ASIC2: variants seen among roughly 807,000 people sequenced by gnomAD.
ASIC2 encodes the protein acid-sensing ion channel 2.
A neutral mutation model predicts 57.3 loss-of-function variants in ASIC2; 25 were observed. The observed-to-expected ratio is 0.44, with a 90% CI of 0.32 to 0.61. The LOEUF (loss-of-function observed/expected upper bound fraction) is 0.61, where lower values mean the gene tolerates loss of function less well. ASIC2 is among the 20% of genes least tolerant of loss of function. The probability of loss-of-function intolerance (pLI) is 0.06; values close to 1 mark genes in which losing one functional copy is unlikely to be tolerated. For synonymous variants in ASIC2, 319 were observed against 307.5 expected, an observed-to-expected ratio of 1.04 and a Z score of -0.39; for missense variants, 641 against 738.1, an observed-to-expected ratio of 0.87 and a Z score of 1.52.
chr17:33,995,662 A>ATG (rs971297957), intron 1 of ASIC2, among the ~76,000 whole-genome samples: 2 of 152,048 alleles, frequency 1.3e-5, no homozygotes, highest in African/African-American at 2.4e-5. Flanking sequence ...GCGTGTATAT[A>ATG]TGTGTGTGTG....
chr17:33,267,138 C>T (rs1176508536), intron 1 of ASIC2, among the ~76,000 whole-genome samples: 2 of 152,150 alleles, frequency 1.3e-5, no homozygotes, highest in African/African-American at 2.4e-5. Context: ...TGGTGACATC[C>T]TGGCAGGCCT....
intron 1 of ASIC2, among the ~76,000 whole-genome samples, chr17:33,441,952 G>A (rs1911838717): frequency 6.6e-6 from 1 of 152,184 alleles, no homozygotes; most frequent in Non-Finnish European, 1.5e-5. Flanking sequence ...ACACAGCAAT[G>A]AGTGAGAAAA....
chr17:34,011,481 C>G (rs1425982601), intron 1 of ASIC2, among the ~76,000 whole-genome samples: 1 of 152,180 alleles, frequency 6.6e-6, no homozygotes, highest in African/African-American at 2.4e-5. Context: ...TAACCTCCCC[C>G]TCCCATGGCT....
At chr17:33,419,077 T>G (rs1827650) in intron 1 of ASIC2, among the ~76,000 whole-genome samples, 36,358 of 152,072 alleles carry the variant, frequency 0.24, 4,938 homozygotes, top group East Asian at 0.66. Context: ...GTCCTACACA[T>G]GTACCCCATA....
At chr17:33,671,763 G>A (rs1016728729) in intron 1 of ASIC2, among the ~76,000 whole-genome samples, 4 of 152,160 alleles carry the variant, frequency 2.6e-5, no homozygotes, top group African/African-American at 9.7e-5. Flanking sequence ...GGCCTGGTCT[G>A]GGTCCTGAGT....
At chr17:33,959,067 C>G (rs1300173018) in intron 1 of ASIC2, among the ~76,000 whole-genome samples, 2 of 152,226 alleles carry the variant, frequency 1.3e-5, no homozygotes, top group Non-Finnish European at 2.9e-5. Flanking sequence ...CTGAGACCAC[C>G]TCAGCCTGGA....
intron 1 of ASIC2, among the ~76,000 whole-genome samples, chr17:33,829,343 T>C (rs8076793): frequency 0.81 from 123,490 of 152,122 alleles, 50,485 homozygotes; most frequent in African/African-American, 0.85. Context: ...GTTCTTGATG[T>C]CTGTGTTTGT....
chr17:33,710,444 G>T (rs923106689), intron 1 of ASIC2, among the ~76,000 whole-genome samples: 9 of 152,230 alleles, frequency 5.9e-5, no homozygotes, highest in African/African-American at 2.2e-4. Context: ...CAACCACTCT[G>T]TAGGAGCTAT....
chr17:33,698,295 T>A (rs1908592145), intron 1 of ASIC2, among the ~76,000 whole-genome samples: 1 of 152,194 alleles, frequency 6.6e-6, no homozygotes, highest in South Asian at 2.1e-4. Context: ...TTTACGCATC[T>A]CGGTACTTAA....
intron 2 of ASIC2, among the ~76,000 whole-genome samples, chr17:33,096,663 C>T (rs985547848): frequency 7.9e-5 from 12 of 152,002 alleles, no homozygotes; most frequent in Admixed American, 5.9e-4. Context: ...ATCAGGCTGG[C>T]GATGGAAAGT....
intron 1 of ASIC2, among the ~76,000 whole-genome samples, chr17:33,796,215 G>A (rs1416916819): frequency 2.6e-5 from 4 of 152,128 alleles, no homozygotes; most frequent in African/African-American, 9.7e-5. Context: ...TCTCAGTTGA[G>A]TTCAAGGCTC....
At chr17:33,718,684 C>A (rs2142081964) in intron 1 of ASIC2, among the ~76,000 whole-genome samples, 1 of 152,220 alleles carries the variant, frequency 6.6e-6, no homozygotes, top group Non-Finnish European at 1.5e-5. Context: ...GCAAAGAAAG[C>A]CTTGGGACTC....
At chr17:33,733,157 C>T (rs1332581872) in intron 1 of ASIC2, among the ~76,000 whole-genome samples, 1 of 152,186 alleles carries the variant, frequency 6.6e-6, no homozygotes, top group Non-Finnish European at 1.5e-5. Flanking sequence ...CTAACCCTGT[C>T]CCCTCACTTC....
chr17:33,027,557 C>T (rs1598241038), intron 4 of ASIC2, among the ~76,000 whole-genome samples: 1 of 152,172 alleles, frequency 6.6e-6, no homozygotes, highest in East Asian at 1.9e-4. Flanking sequence ...CACCTTATAA[C>T]AGCTGCTGAT....
chr17:33,278,639 G>C (rs537626193), intron 1 of ASIC2, among the ~76,000 whole-genome samples: 1 of 152,254 alleles, frequency 6.6e-6, no homozygotes, highest in Non-Finnish European at 1.5e-5. Context: ...AGCTCTGTGA[G>C]GGGAGGGTCA....
At chr17:33,044,974 G>A (rs1188684963) in intron 3 of ASIC2, among the ~76,000 whole-genome samples, 1 of 152,140 alleles carries the variant, frequency 6.6e-6, no homozygotes, top group Non-Finnish European at 1.5e-5. Flanking sequence ...TCTGGGTAGA[G>A]GATACTGCAT....
intron 1 of ASIC2, among the ~76,000 whole-genome samples, chr17:33,799,408 T>TTTCTTTCTTTCTTTCTTTCTTTCTTTC (rs1912034281): frequency 1.6e-5 from 1 of 63,076 alleles, no homozygotes; most frequent in Non-Finnish European, 3.5e-5. Flanking sequence ...CTTTCTTTTC[T>TTTCTTTCTTTCTTTCTTTCTTTCTTTC]TTCTTTCTTT....
chr17:33,609,486 C>T (rs1184867363), intron 1 of ASIC2, among the ~76,000 whole-genome samples: 1 of 152,182 alleles, frequency 6.6e-6, no homozygotes, highest in Non-Finnish European at 1.5e-5. Context: ...CTGATCCTCC[C>T]GTGTTTCCTC....
chr17:34,137,184 T>A (rs1161719167), intron 1 of ASIC2, among the ~76,000 whole-genome samples: 4 of 152,196 alleles, frequency 2.6e-5, no homozygotes, highest in Admixed American at 2.0e-4. Flanking sequence ...TCTAAAAATA[T>A]GAGATTCCAC....
Sources: allele counts gnomAD v4.1 joint callset (sites outside exome capture counted in the v4.1 genomes callset), GRCh38; gene constraint gnomAD v4.1.1; transcripts MANE v1.5; gene names NCBI Gene and HGNC (gene_info 2026-07-23, HGNC 2026-07-21).